GPAT3: variants seen among roughly 807,000 people sequenced by gnomAD.
The protein encoded by GPAT3 is 1-AGP acyltransferase 9.
In GPAT3, 53 loss-of-function variants were observed where a neutral mutation model predicts 58.8. The observed-to-expected ratio is 0.90, with a 90% CI of 0.72 to 1.13. The LOEUF is 1.13. Among genes scored for constraint, GPAT3 ranks in the 50% most tolerant of loss-of-function variants. The pLI, the probability that GPAT3 is intolerant of heterozygous loss-of-function variation, is 0.00. For synonymous variants in GPAT3, 197 were observed against 187.4 expected (o/e 1.05, Z -0.42); for missense variants, 511 against 527.6 (o/e 0.97, Z 0.31).
In GPAT3 at chr4:83,604,751, A is replaced by T. The variant is rs781082588; in HGVS notation, c.1289A>T (p.Asn430Ile). ...AATTACAGCAAGATGATTGTGGGCA[A>T]TGGATCTCTCAGCTAAGAGGACGGA... is the stretch of plus-strand genomic sequence containing the variant. The part of the protein sequence containing the change: ...QKNYSKMIVG[N>I]GSLS The change falls in exon 12 of 12, where the codon AAT (asparagine) becomes ATT (isoleucine). Residue 430 changes from asparagine to isoleucine, a missense_variant. Coordinates refer to ENST00000264409, the MANE Select transcript of GPAT3 (RefSeq NM_032717.5). The T allele has an allele frequency of 2.4e-5, 39 of 1,613,716 alleles. No homozygotes were observed. Among genetic ancestry groups the T allele is most frequent in the Non-Finnish European group, 3.3e-5 (39 of 1,179,852 alleles).
intron 2 of GPAT3, among the ~76,000 whole-genome samples, chr4:83,557,555 T>A (rs1304700296): frequency 6.6e-6 from 1 of 152,218 alleles, no homozygotes; most frequent in African/African-American, 2.4e-5. Flanking sequence ...AATGTTTTAA[T>A]GTTGAATGTG....
At chr4:83,561,549 A>G (rs2110081821) in intron 2 of GPAT3, among the ~76,000 whole-genome samples, 1 of 152,278 alleles carries the variant, frequency 6.6e-6, no homozygotes, top group Middle Eastern at 3.4e-3. Context: ...TTTACTTGCC[A>G]GTGTGTAGGC....
intron 6 of GPAT3, 89 bp from the exon 7 acceptor site, chr4:83,594,756 G>A (rs960667148): frequency 1.1e-5 from 11 of 1,027,610 alleles, no homozygotes; most frequent in Non-Finnish European, 1.6e-5. Context: ...ATATTTTTGA[G>A]TGGAGAATAG....
Position 83,536,412 on chromosome 4 carries a change from T to C in GPAT3, c.-211T>C. 1 of 1,349,236 alleles carries C rather than the reference T, an allele frequency of 7.4e-7. No homozygotes were observed. The highest frequency in any genetic ancestry group is 9.5e-7 in the Non-Finnish European group (1 of 1,050,858). The allele number at this position is 1,349,236 out of a possible 1,614,324, so 83.6% of individuals were successfully genotyped here. A position where few individuals can be genotyped will look rare whatever the true frequency, so the allele number is the denominator to read the frequency against. ...ACCTGGGCAGCCAGCGGAGAAAGAG[T>C]TAACTGGCAGGGGCGAGGAGGAGCC... is the stretch of plus-strand genomic sequence containing the variant. On this transcript the variant is annotated 5_prime_UTR_variant, in exon 1 of 12. Coordinates refer to ENST00000264409, the MANE Select transcript of GPAT3 (RefSeq NM_032717.5).
At chr4:83,546,698 C>T (rs10011104) in intron 2 of GPAT3, among the ~76,000 whole-genome samples, 50,394 of 151,956 alleles carry the variant, frequency 0.33, 9,287 homozygotes, top group Middle Eastern at 0.49. Context: ...GACAAAGGAT[C>T]CAAAGTTGAT....
intron 2 of GPAT3, among the ~76,000 whole-genome samples, chr4:83,553,972 A>G (rs187394101): frequency 6.6e-6 from 1 of 152,080 alleles, no homozygotes; most frequent in Non-Finnish European, 1.5e-5. Context: ...CTTATAGTCA[A>G]CTCAATAATA....
chr4:83,574,322 G>A (rs1022067034), intron 2 of GPAT3, among the ~76,000 whole-genome samples: 2 of 152,196 alleles, frequency 1.3e-5, no homozygotes, highest in Non-Finnish European at 2.9e-5. Context: ...TTTATAAATG[G>A]ACTGTTATTC....
intron 3 of GPAT3, among the ~76,000 whole-genome samples, chr4:83,586,383 C>A (rs1459017177): frequency 6.6e-6 from 1 of 152,144 alleles, no homozygotes; most frequent in African/African-American, 2.4e-5. Context: ...CAGGGGTGGT[C>A]CCCTTCAGTC....
chr4:83,601,374 T>G (rs1727047091), intron 11 of GPAT3, among the ~76,000 whole-genome samples: 1 of 152,236 alleles, frequency 6.6e-6, no homozygotes, highest in Non-Finnish European at 1.5e-5. Context: ...ATACAACTAA[T>G]TGCATCCAGG....
chr4:83,561,404 TA>T (rs1725120789), intron 2 of GPAT3, among the ~76,000 whole-genome samples: 1 of 152,200 alleles, frequency 6.6e-6, no homozygotes, highest in Non-Finnish European at 1.5e-5. Context: ...GCAAGCTTTT[TA>T]TTTATTAAGT....
intron 4 of GPAT3, among the ~76,000 whole-genome samples, 154 bp downstream of exon 4, chr4:83,587,483 A>G (rs1726422335): frequency 6.6e-6 from 1 of 152,052 alleles, no homozygotes; most frequent in Non-Finnish European, 1.5e-5. Flanking sequence ...CTGGAGTGCA[A>G]TGGTGTGATC....
At chr4:83,583,909 G>A (rs1343582180) in intron 3 of GPAT3, among the ~76,000 whole-genome samples, 1 of 152,120 alleles carries the variant, frequency 6.6e-6, no homozygotes, top group Non-Finnish European at 1.5e-5. Context: ...CCGGGAGGCG[G>A]AGGTTGCAGT....
At position 83,598,057 on chromosome 4, in the gene GPAT3, C is replaced by A; in HGVS notation, c.1003C>A (p.Pro335Thr). 1 of 1,613,496 alleles carries A rather than the reference C, an allele frequency of 6.2e-7. No homozygotes were observed. The highest frequency in any genetic ancestry group is 8.5e-7 in the Non-Finnish European group (1 of 1,179,834). ...TIHPVAIKYN[P>T]QFGDAFWNSS... is the part of the protein sequence containing the mutation. ...GTATTTTCTTTTTTCTCAGTATAAC[C>A]CTCAGTTCGGTGATGCATTTTGGAA... The change falls in exon 10 of 12, where the codon CCT becomes ACT. Residue 335 changes from proline to threonine, a missense_variant. Transcript: ENST00000264409.
intron 3 of GPAT3, among the ~76,000 whole-genome samples, chr4:83,582,515 G>A (rs552415133): frequency 6.6e-6 from 1 of 152,200 alleles, no homozygotes; most frequent in Non-Finnish European, 1.5e-5. Flanking sequence ...TCTGATTAGC[G>A]TGGTGGTAGC....
In GPAT3 at chr4:83,581,773, G is replaced by C. The variant is rs1422541386; in HGVS notation, c.420G>C (p.Arg140=). Residue 140 remains arginine (R), a synonymous_variant, in exon 3 of 12, where the codon CGG becomes CGC. Transcript: ENST00000264409. ...TAAATTTCCAGTACATCAGTCTGCGGCTCACTATGGTGTGGGTGCTGGGCG... is the reference window on the plus strand; with the variant it reads ...TAAATTTCCAGTACATCAGTCTGCGCCTCACTATGGTGTGGGTGCTGGGCG... ...TNVNFQYISL[R]LTMVWVLGVI... is the part of the protein sequence containing the mutation. 1 of 1,613,988 alleles carries C rather than the reference G, an allele frequency of 6.2e-7. No homozygotes were observed. The highest frequency in any genetic ancestry group is 1.1e-5 in the South Asian group (1 of 91,064).
chr4:83,598,066 G>A lies in GPAT3; in HGVS notation c.1012G>A (p.Gly338Ser), dbSNP rs1420575736. Reference protein sequence around the residue: ...PVAIKYNPQFGDAFWNSSKYN... With the variant: ...PVAIKYNPQFSDAFWNSSKYN... ...TTTTTCTCAGTATAACCCTCAGTTC[G>A]GTGATGCATTTTGGAACAGTAGTAA... The change falls in exon 10 of 12, where the codon GGT becomes AGT. Residue 338 changes from glycine (G) to serine (S), a missense_variant. Transcript: ENST00000264409. 15 of 1,613,196 alleles carry A rather than the reference G, an allele frequency of 9.3e-6. No homozygotes were observed. The highest frequency in any genetic ancestry group is 2.2e-5 in the East Asian group (1 of 44,870).
intron 2 of GPAT3, among the ~76,000 whole-genome samples, chr4:83,578,964 C>CT (rs1452157507): frequency 1.2e-3 from 105 of 90,244 alleles, no homozygotes; most frequent in Middle Eastern, 6.0e-3. Flanking sequence ...TTCTTTCTTT[C>CT]TTTCTTTCTT....
intron 2 of GPAT3, among the ~76,000 whole-genome samples, chr4:83,580,332 G>C (rs561510706): frequency 1.3e-5 from 2 of 152,258 alleles, no homozygotes; most frequent in South Asian, 4.1e-4. Flanking sequence ...ATTTCATAGA[G>C]TGAAACTATA....
chr4:83,599,546 G>A (rs1331703226), intron 11 of GPAT3, among the ~76,000 whole-genome samples: 1 of 152,152 alleles, frequency 6.6e-6, no homozygotes, highest in Non-Finnish European at 1.5e-5. Flanking sequence ...TGAAGAAAGC[G>A]GGAATGGATT....
Sources: gnomAD v4.1 joint callset for allele counts (sites outside exome capture counted in the v4.1 genomes callset) on GRCh38, gnomAD v4.1.1 for gene constraint, MANE v1.5 for transcripts, NCBI Gene and HGNC (gene_info 2026-07-23, HGNC 2026-07-21) for gene names.